WDR26: variants seen among roughly 807,000 people sequenced by gnomAD.
WDR26 encodes the protein WD repeat domain 26, also known as WD repeat-containing protein 26.
WDR26 carries 5 observed loss-of-function variants against 84.1 expected under a neutral mutation model. The ratio of observed to expected loss-of-function variants is 0.06; its 90% CI spans 0.03 to 0.13. The LOEUF is 0.13. Ranked by LOEUF, WDR26 falls within the 10% of genes least tolerant of loss-of-function variation. The probability of loss-of-function intolerance (pLI) is 1.00; values close to 1 mark genes in which losing one functional copy is unlikely to be tolerated. For synonymous variants in WDR26, 415 were observed against 389.6 expected, an observed-to-expected ratio of 1.07 and a Z score of -0.77; for missense variants, 642 against 974.9, an observed-to-expected ratio of 0.66 and a Z score of 4.55.
Position 224,389,763 on chromosome 1 carries a change from G to A in WDR26, c.*72C>T. The A allele has an allele frequency of 7.0e-7, 1 of 1,422,742 alleles. No homozygotes were observed. Among genetic ancestry groups the A allele is most frequent in the Non-Finnish European group, 9.9e-7 (1 of 1,008,064 alleles). 88.1% of individuals were successfully genotyped at this position (1,422,742 alleles called of 1,614,324 possible). A position where few individuals can be genotyped will look rare whatever the true frequency, so the allele number is the denominator to read the frequency against. ...GTCCAGCTATCAATCATGTTTGTTT[G>A]CACCAAATCCCAAGCCATTAAAATA... On this transcript the variant is annotated 3_prime_UTR_variant, in exon 14 of 14. Coordinates refer to ENST00000414423, the MANE Select transcript of WDR26 (RefSeq NM_001379403.1).
intron 4 of WDR26, among the ~76,000 whole-genome samples, chr1:224,422,714 C>CT (rs1553360279): frequency 2.7e-5 from 4 of 146,224 alleles, no homozygotes; most frequent in African/African-American, 5.0e-5. Context: ...AACTCTGTCT[C>CT]AAAAAAAAAA....
In WDR26 at chr1:224,387,166, C is replaced by A. The variant is rs931372805; in HGVS notation, c.*2669G>T. ...AAGTATTGGTACTTTTCAATTTATA[C>A]ATTTGTTAGTATCTTGTGGCTGGCT... On this transcript the variant is annotated 3_prime_UTR_variant, in exon 14 of 14. Transcript: ENST00000414423. 1 of 152,560 alleles carries A rather than the reference C, an allele frequency of 6.6e-6. No homozygotes were observed. Among genetic ancestry groups the A allele is most frequent in the Non-Finnish European group, 1.5e-5 (1 of 68,024 alleles). 9.5% of individuals were successfully genotyped at this position (152,560 alleles called of 1,614,324 possible).
At chr1:224,423,870 C>T (rs1037845088) in intron 4 of WDR26, among the ~76,000 whole-genome samples, 15 of 152,114 alleles carry the variant, frequency 9.9e-5, no homozygotes, top group African/African-American at 3.6e-4. Context: ...AATGAGATTA[C>T]CTAAAAAGAG....
intron 6 of WDR26, among the ~76,000 whole-genome samples, chr1:224,416,936 A>AT (rs1170898503): frequency 1.3e-5 from 2 of 152,250 alleles, no homozygotes; most frequent in African/African-American, 4.8e-5. Flanking sequence ...AATGAACATT[A>AT]TTAAAGAGTT....
At position 224,434,026 on chromosome 1, in the gene WDR26, C is replaced by G. The variant is rs576106391; in HGVS notation, c.380G>C (p.Gly127Ala). The G allele has an allele frequency of 2.8e-5, 41 of 1,474,928 alleles. No homozygotes were observed. The African/African-American group carries it at 5.5e-4, about 20-fold the overall frequency. The allele number at this position is 1,474,928 out of a possible 1,614,324, so 91.4% of individuals were successfully genotyped here. A position where few individuals can be genotyped will look rare whatever the true frequency, so the allele number is the denominator to read the frequency against. ...CAAGCAGGCGAGTTCCGGGGTCTGTCCCTGGCCCCCGCCGCCCCCTCCTCC... is the reference window on the plus strand; with the variant it reads ...CAAGCAGGCGAGTTCCGGGGTCTGTGCCTGGCCCCCGCCGCCCCCTCCTCC... Residue 127 changes from glycine to alanine, a missense_variant, in exon 1 of 14, where the codon GGA (glycine) becomes GCA (alanine). By Grantham distance (60) the Gly-to-Ala change is moderately conservative. Coordinates refer to ENST00000414423, the MANE Select transcript of WDR26 (RefSeq NM_001379403.1).
At chr1:224,400,315 C>A (rs1448441610) in intron 9 of WDR26, among the ~76,000 whole-genome samples, 1 of 148,172 alleles carries the variant, frequency 6.7e-6, no homozygotes. Context: ...TTACAAAAAT[C>A]TCAAAAGAAA....
intron 7 of WDR26, 92 bp from the exon 8 acceptor site, chr1:224,404,662 T>C: frequency 6.9e-7 from 1 of 1,456,738 alleles, no homozygotes; most frequent in South Asian, 1.4e-5. Context: ...AGATGTACTT[T>C]GATAATTTAA....
Position 224,393,923 on chromosome 1 carries a change from T to C in WDR26, c.2165A>G (p.Asn722Ser). 6.3e-7 allele frequency: 1 copy of C among 1,592,872 alleles called. No individual in the cohort carries two copies. Among genetic ancestry groups the C allele is most frequent in the Non-Finnish European group, 8.6e-7 (1 of 1,163,380 alleles). ...GGCCATCATGGATGGAATCTGTGGG[T>C]TCCAGCTCACACAGTTTACTGTACG... The change falls in exon 13 of 14, where the codon AAC becomes AGC. Residue 722 changes from asparagine to serine, a missense_variant. Coordinates refer to ENST00000414423, the MANE Select transcript of WDR26 (RefSeq NM_001379403.1).
intron 3 of WDR26, among the ~76,000 whole-genome samples, chr1:224,427,166 T>C (rs1190940693): frequency 6.6e-6 from 1 of 151,384 alleles, no homozygotes. Flanking sequence ...AATTCAAACT[T>C]GAAAATCTTA....
intron 4 of WDR26, 108 bp downstream of exon 4, chr1:224,424,410 A>T (rs1461225872): frequency 7.0e-7 from 1 of 1,431,058 alleles, no homozygotes; most frequent in Non-Finnish European, 9.4e-7. Context: ...TACCTAGACA[A>T]ATATCTAAGA....
chr1:224,405,365 T>C (rs1485437559), intron 7 of WDR26, among the ~76,000 whole-genome samples: 1 of 152,240 alleles, frequency 6.6e-6, no homozygotes, highest in Admixed American at 6.5e-5. Flanking sequence ...TTGGCTATTA[T>C]GAATAATGCT....
chr1:224,404,365 T>C (rs777201046), intron 8 of WDR26, 65 bp downstream of exon 8: 34 of 1,537,946 alleles, frequency 2.2e-5, no homozygotes, highest in Non-Finnish European at 3.0e-5. Flanking sequence ...AATAAAGTTA[T>C]AATGAATATG....
chr1:224,391,097 T>A (rs895740492), intron 13 of WDR26, among the ~76,000 whole-genome samples: 1 of 151,148 alleles, frequency 6.6e-6, no homozygotes. Flanking sequence ...AAAAAAAAAA[T>A]ATCATGCCTG....
chr1:224,423,142 A>G (rs1275504272), intron 4 of WDR26, among the ~76,000 whole-genome samples: 8 of 152,238 alleles, frequency 5.3e-5, no homozygotes, highest in Admixed American at 5.2e-4. Flanking sequence ...ATTAGTTCTA[A>G]GAGTTTTTTA....
At chr1:224,432,176 G>GT (rs1674411110) in intron 1 of WDR26, among the ~76,000 whole-genome samples, 1 of 152,202 alleles carries the variant, frequency 6.6e-6, no homozygotes, top group South Asian at 2.1e-4. Flanking sequence ...AGAGATGACC[G>GT]TATCAGTTAA....
chr1:224,424,326 T>C (rs1228764530), intron 4 of WDR26, among the ~76,000 whole-genome samples, 192 bp downstream of exon 4: 1 of 152,198 alleles, frequency 6.6e-6, no homozygotes, highest in Admixed American at 6.5e-5. Flanking sequence ...TTTCACCCAC[T>C]TAAATATATC....
At chr1:224,417,185 G>A (rs1268782698) in intron 6 of WDR26, among the ~76,000 whole-genome samples, 2 of 151,998 alleles carry the variant, frequency 1.3e-5, no homozygotes, top group African/African-American at 4.8e-5. Flanking sequence ...CAATTTTTAC[G>A]GTTATTCAGA....
At chr1:224,401,680 A>AAAAAAAAAG in intron 8 of WDR26, among the ~76,000 whole-genome samples, 1 of 122,936 alleles carries the variant, frequency 8.1e-6, no homozygotes, top group Non-Finnish European at 1.7e-5. Flanking sequence ...TCAAAAAAAA[A>AAAAAAAAAG]AAAAAAAAAG....
intron 9 of WDR26, among the ~76,000 whole-genome samples, chr1:224,399,863 T>C (rs947125862): frequency 5.3e-5 from 8 of 152,266 alleles, no homozygotes; most frequent in Non-Finnish European, 7.4e-5. Flanking sequence ...TCCCAGCACG[T>C]TGGGAGGCCA....
Sources: gnomAD v4.1 joint callset for allele counts (sites outside exome capture counted in the v4.1 genomes callset) on GRCh38, gnomAD v4.1.1 for gene constraint, MANE v1.5 for transcripts, NCBI Gene and HGNC (gene_info 2026-07-23, HGNC 2026-07-21) for gene names.